HOXB9: variants seen among roughly 807,000 people sequenced by gnomAD.
HOXB9 encodes homeobox B9.
A neutral mutation model predicts 21.5 loss-of-function variants in HOXB9; 10 were observed. The observed-to-expected ratio is 0.47, with a 90% confidence interval of 0.29 to 0.79. The LOEUF (loss-of-function observed/expected upper bound fraction) is 0.79. Among genes scored for constraint, HOXB9 ranks in the 30% least tolerant of loss-of-function variants. HOXB9 has a pLI of 0.10. For missense variants in HOXB9, 375 were observed against 338.7 expected (o/e 1.11, Z -0.84); for synonymous variants, 156 against 151.2 (o/e 1.03, Z -0.23).
In HOXB9 at chr17:48,626,234, G is replaced by A; in HGVS notation, c.36C>T (p.Val12=). The change falls in exon 1 of 2, where the codon GTC becomes GTT. Residue 12 remains valine (V), a synonymous_variant. Transcript: ENST00000311177. ...SISGTLSSYY[V]DSIISHESED... ...CACTCTCGTGACTTATGATCGAGTC[G>A]ACATAATAGCTGCTAAGCGTCCCAG... The A allele has an allele frequency of 6.3e-7, 1 of 1,597,898 alleles. No individual in the cohort carries two copies. The highest frequency in any genetic ancestry group is 1.1e-5 in the South Asian group (1 of 91,006).
intron 1 of HOXB9, 89 bp downstream of exon 1, chr17:48,625,664 C>A: frequency 7.1e-7 from 1 of 1,405,752 alleles, no homozygotes; most frequent in South Asian, 1.7e-5. Context: ...CGCAGTTTCC[C>A]TTCACATTGT....
At chr17:48,625,425 G>T (rs2070804185) in intron 1 of HOXB9, among the ~76,000 whole-genome samples, 2 of 152,140 alleles carry the variant, frequency 1.3e-5, no homozygotes, top group Admixed American at 1.3e-4. Context: ...CCCGGCCGTC[G>T]CCGGTCTCTG....
Position 48,622,109 on chromosome 17 carries a change from A to AATGTAT in HOXB9, c.*785_*790dup, listed in dbSNP as rs2070775297. 1 of 152,274 alleles carries AATGTAT rather than the reference A, an allele frequency of 6.6e-6. No individual in the cohort carries two copies. The highest frequency in any genetic ancestry group is 2.4e-5 in the African/African-American group (1 of 41,450). The allele number at this position is 152,274 out of a possible 1,614,324, so 9.4% of individuals were successfully genotyped here. A position where few individuals can be genotyped will look rare whatever the true frequency, so the allele number is the denominator to read the frequency against. On this transcript the variant is annotated 3_prime_UTR_variant, in exon 2 of 2. Coordinates refer to ENST00000311177, the MANE Select transcript of HOXB9 (RefSeq NM_024017.5). ...CGGAATTAAACATTTCCTGCAACAA[A>AATGTAT]ATGTATATGTTGGTGGGAGGTGGGG...
In HOXB9 at chr17:48,626,201, C is replaced by A. The variant is rs35068436; in HGVS notation, c.69G>T (p.Ala23=). The A allele has an allele frequency of 4.4e-6, 7 of 1,599,260 alleles. No individual in the cohort carries two copies. In the Middle Eastern group the frequency reaches 8.3e-4, roughly 189 times the overall value. Residue 23 remains alanine (A), a synonymous_variant, in exon 1 of 2, where the codon GCG becomes GCT. Transcript: ENST00000311177. ...GGCCAGAAGGAAACTTGGCTGGAGGCGCGTCCTCACTCTCGTGACTTATGA... is the reference window on the plus strand; with the variant it reads ...GGCCAGAAGGAAACTTGGCTGGAGGAGCGTCCTCACTCTCGTGACTTATGA... ...DSIISHESED[A]PPAKFPSGQY... is the part of the protein sequence containing the mutation.
At chr17:48,624,055 G>C (rs2070792480) in intron 1 of HOXB9, among the ~76,000 whole-genome samples, 1 of 152,212 alleles carries the variant, frequency 6.6e-6, no homozygotes, top group South Asian at 2.1e-4. Flanking sequence ...GAGGGGAGAA[G>C]AGGGTAACCG....
chr17:48,625,752 C>G lies in HOXB9; in HGVS notation c.517+1G>C, dbSNP rs112687528. 1.3e-6 allele frequency: 2 copies of G among 1,570,532 alleles called. No individual in the cohort carries two copies. The highest frequency in any genetic ancestry group is 1.7e-6 in the Non-Finnish European group (2 of 1,158,892). On this transcript the variant is annotated splice_donor_variant, in intron 1 of 1. Coordinates refer to ENST00000311177, the MANE Select transcript of HOXB9 (RefSeq NM_024017.5). LOFTEE classifies it high-confidence loss of function. ...GTATTTCCTCACTTTTTATAACTTA[C>G]TTTGATCCGGCCTCTCTTTGTCCTC...
Position 48,622,828 on chromosome 17 carries a change from G to T in HOXB9, c.*72C>A. 1.8e-6 allele frequency: 2 copies of T among 1,131,268 alleles called. No homozygotes were observed. Among genetic ancestry groups the T allele is most frequent in the Non-Finnish European group, 2.6e-6 (2 of 760,718 alleles). The allele number at this position is 1,131,268 out of a possible 1,614,324, so 70.1% of individuals were successfully genotyped here. A position where few individuals can be genotyped will look rare whatever the true frequency, so the allele number is the denominator to read the frequency against. ...CTTGAATACATCCCAGACAGCACTGGCTTTGCAGTCGTCACATAACTAAGA... is the reference window on the plus strand; with the variant it reads ...CTTGAATACATCCCAGACAGCACTGTCTTTGCAGTCGTCACATAACTAAGA... On this transcript the variant is annotated 3_prime_UTR_variant, in exon 2 of 2. Transcript: ENST00000311177.
At position 48,626,246 on chromosome 17, in the gene HOXB9, G is replaced by T. The variant is rs374687030; in HGVS notation, c.24C>A (p.Ser8Arg). 1.8e-5 allele frequency: 28 copies of T among 1,594,550 alleles called. No homozygotes were observed. Among genetic ancestry groups the T allele is most frequent in the Non-Finnish European group, 2.3e-5 (27 of 1,176,632 alleles). The change falls in exon 1 of 2, where the codon AGC (serine) becomes AGA (arginine). Residue 8 changes from serine (S) to arginine (R), a missense_variant. Coordinates refer to ENST00000311177, the MANE Select transcript of HOXB9 (RefSeq NM_024017.5). MSISGTL[S>R]SYYVDSIISH... ...TTATGATCGAGTCGACATAATAGCT[G>T]CTAAGCGTCCCAGAAATGGACATTC...
At position 48,622,582 on chromosome 17, in the gene HOXB9, GAC is replaced by G; in HGVS notation, c.*316_*317del. 3.5e-6 allele frequency: 1 copy of G among 288,762 alleles called. No individual in the cohort carries two copies. Among genetic ancestry groups the G allele is most frequent in the Non-Finnish European group, 6.6e-6 (1 of 152,236 alleles). The allele number at this position is 288,762 out of a possible 1,614,324, so 17.9% of individuals were successfully genotyped here. ...AGGCAAGCTGGAAGTGAGGGGCTAG[GAC>G]TTCCCAGAAAAATTACAGGGCATAC... is the stretch of plus-strand genomic sequence containing the variant. On this transcript the variant is annotated 3_prime_UTR_variant, in exon 2 of 2. Transcript: ENST00000311177.
chr17:48,626,092 C>G lies in HOXB9; in HGVS notation c.178G>C (p.Gly60Arg). 1.3e-6 allele frequency: 2 copies of G among 1,576,726 alleles called. No homozygotes were observed. Among genetic ancestry groups the G allele is most frequent in the African/African-American group, 2.7e-5 (2 of 74,826 alleles). Residue 60 changes from glycine to arginine, a missense_variant, in exon 1 of 2, where the codon GGC becomes CGC. By Grantham distance (125) the Gly-to-Arg change is moderately radical (BLOSUM62 -2). Transcript: ENST00000311177. ...GGGCTCAGCGGCGCCCAGGAGGCGC[C>G]GAACACCGGCGCTTTGGGCTGGAAG... Reference protein sequence around the residue: ...CSFQPKAPVFGASWAPLSPHA... With the variant: ...CSFQPKAPVFRASWAPLSPHA...
At position 48,623,050 on chromosome 17, in the gene HOXB9, C is replaced by G. The variant is rs757656379; in HGVS notation, c.603G>C (p.Glu201Asp). 6.2e-7 allele frequency: 1 copy of G among 1,614,240 alleles called. No homozygotes were observed. The highest frequency in any genetic ancestry group is 2.2e-5 in the East Asian group (1 of 44,894). Residue 201 changes from glutamate to aspartate, a missense_variant, in exon 2 of 2, where the codon GAG becomes GAC. Glu to Asp is a conservative substitution (Grantham distance 45). Transcript: ENST00000311177. Reference protein sequence around the residue: ...PYTKYQTLELEKEFLFNMYLT... With the variant: ...PYTKYQTLELDKEFLFNMYLT... ...GGTACATATTGAACAGAAACTCCTTCTCTAGCTCCAGCGTCTGGTATTTGG... is the reference window on the plus strand; with the variant it reads ...GGTACATATTGAACAGAAACTCCTTGTCTAGCTCCAGCGTCTGGTATTTGG...
In HOXB9 at chr17:48,625,995, C is replaced by G. The variant is rs866139544; in HGVS notation, c.275G>C (p.Ser92Thr). 3.3e-5 allele frequency: 52 copies of G among 1,556,268 alleles called. 1 individual carries two copies. Among genetic ancestry groups the G allele is most frequent in the African/African-American group, 5.4e-5 (4 of 73,928 alleles). ...CTCCAGCCAGGTGCGGAGGTACCTG[C>G]TCTCGGCCGGCGGGACGCCCTGGGG... ...IQPQGVPPAE[S>T]RYLRTWLEPA... The change falls in exon 1 of 2, where the codon AGC becomes ACC. Residue 92 changes from serine (S) to threonine (T), a missense_variant. Physicochemically the swap from Ser to Thr is moderately conservative, Grantham distance 58. Transcript: ENST00000311177.
At chr17:48,623,177 T>C (rs1597895606) in intron 1 of HOXB9, 42 bp from the exon 2 acceptor site, 1 of 1,522,894 alleles carries the variant, frequency 6.6e-7, no homozygotes, top group Non-Finnish European at 9.0e-7. Context: ...AGGAAGGGGG[T>C]GAAGGGCCCC....
In HOXB9 at chr17:48,623,054, A is replaced by G; in HGVS notation, c.599T>C (p.Leu200Pro). 1 of 1,614,204 alleles carries G rather than the reference A, an allele frequency of 6.2e-7. No individual in the cohort carries two copies. The highest frequency in any genetic ancestry group is 8.5e-7 in the Non-Finnish European group (1 of 1,180,030). ...CATATTGAACAGAAACTCCTTCTCTAGCTCCAGCGTCTGGTATTTGGTGTA... is the reference window on the plus strand; with the variant it reads ...CATATTGAACAGAAACTCCTTCTCTGGCTCCAGCGTCTGGTATTTGGTGTA... ...CPYTKYQTLE[L>P]EKEFLFNMYL... Residue 200 changes from leucine (L) to proline (P), a missense_variant, in exon 2 of 2, where the codon CTA becomes CCA. Transcript: ENST00000311177.
At position 48,625,950 on chromosome 17, in the gene HOXB9, G is replaced by T. The variant is rs2070811255; in HGVS notation, c.320C>A (p.Ala107Glu). The T allele has an allele frequency of 1.3e-6, 2 of 1,495,386 alleles. No homozygotes were observed. Among genetic ancestry groups the T allele is most frequent in the Non-Finnish European group, 1.8e-6 (2 of 1,133,582 alleles). The allele number at this position is 1,495,386 out of a possible 1,614,324, so 92.6% of individuals were successfully genotyped here. A position where few individuals can be genotyped will look rare whatever the true frequency, so the allele number is the denominator to read the frequency against. Residue 107 changes from alanine to glutamate, a missense_variant, in exon 1 of 2, where the codon GCG (alanine) becomes GAG (glutamate). By Grantham distance (107) the Ala-to-Glu change is moderately radical (BLOSUM62 -1). Transcript: ENST00000311177. The part of the protein sequence containing the change: ...TWLEPAPRGE[A>E]APGQGQAAVK... ...CGCCGCCTGGCCCTGCCCCGGGGCC[G>T]CTTCGCCGCGCGGCGCCGGCTCCAG...
At position 48,625,993 on chromosome 17, in the gene HOXB9, T is replaced by G; in HGVS notation, c.277A>C (p.Arg93=). 6.4e-7 allele frequency: 1 copy of G among 1,552,504 alleles called. No homozygotes were observed. The highest frequency in any genetic ancestry group is 8.7e-7 in the Non-Finnish European group (1 of 1,155,596). ...GGCTCCAGCCAGGTGCGGAGGTACC[T>G]GCTCTCGGCCGGCGGGACGCCCTGG... The part of the protein sequence containing the change: ...QPQGVPPAES[R]YLRTWLEPAP... Residue 93 remains arginine (R), a synonymous_variant, in exon 1 of 2, where the codon AGG becomes CGG. Transcript: ENST00000311177.
chr17:48,624,977 G>A (rs921015870), intron 1 of HOXB9, among the ~76,000 whole-genome samples: 14 of 152,210 alleles, frequency 9.2e-5, no homozygotes, highest in African/African-American at 2.9e-4. Context: ...CCCAAGAGGC[G>A]GACAGCCCGG....
rs2070777919 is a variant in HOXB9, at chr17:48,622,428, A to G, written c.*472T>C. 1 of 155,454 alleles carries G rather than the reference A, an allele frequency of 6.4e-6. No individual in the cohort carries two copies. The highest frequency in any genetic ancestry group is 2.4e-5 in the African/African-American group (1 of 41,452). 9.6% of individuals were successfully genotyped at this position (155,454 alleles called of 1,614,324 possible). ...CAAATTTGGTGTGCGATGGTCTGCA[A>G]CTGGAGTGTCACCTCACTTGACTGA... On this transcript the variant is annotated 3_prime_UTR_variant, in exon 2 of 2. Transcript: ENST00000311177.
chr17:48,623,556 G>A (rs531677033), intron 1 of HOXB9, among the ~76,000 whole-genome samples: 1 of 152,328 alleles, frequency 6.6e-6, no homozygotes, highest in East Asian at 1.9e-4. Context: ...GGGTGGGGAA[G>A]TGAGATGTCT....
Sources: allele counts gnomAD v4.1 joint callset (sites outside exome capture counted in the v4.1 genomes callset), GRCh38; gene constraint gnomAD v4.1.1; transcripts MANE v1.5; gene names NCBI Gene and HGNC (gene_info 2026-07-23, HGNC 2026-07-21).